PSG7: variants seen among roughly 807,000 people sequenced by gnomAD.
The protein encoded by PSG7 is pregnancy specific beta-1-glycoprotein 7, also known as pregnancy-specific beta-1-glycoprotein 7.
Under a neutral mutation model 45.6 loss-of-function variants are expected in PSG7, and 57 were observed. That is an observed-to-expected ratio of 1.25 (90% confidence interval 1.01 to 1.56). The LOEUF is 1.56. Among genes scored for constraint, PSG7 ranks in the 40% most tolerant of loss-of-function variants. The pLI is 0.00. For missense variants in PSG7, 796 were observed against 508.4 expected (o/e 1.57, Z -5.44); for synonymous variants, 298 against 194.4 (o/e 1.53, Z -4.43).
Position 42,925,855 on chromosome 19 carries a change from C to T in PSG7, c.1161G>A (p.Lys387=). Reference sequence around the variant, plus strand: ...CAGAGCAAGCATAGAGCCCGCTATGCTTTGTAGTAATCTGGGGGATAGAAA... The same window carrying T: ...CAGAGCAAGCATAGAGCCCGCTATGTTTTGTAGTAATCTGGGGGATAGAAA... ...QKLSIPQITT[K]HSGLYACSVR... Residue 387 remains lysine, a synonymous_variant, in exon 5 of 6, where the codon AAG becomes AAA. Transcript: ENST00000406070. 6.2e-7 allele frequency: 1 copy of T among 1,612,072 alleles called. No individual in the cohort carries two copies. The highest frequency in any genetic ancestry group is 2.2e-5 in the East Asian group (1 of 44,798).
intron 1 of PSG7, 47 bp from the exon 2 acceptor site, chr19:42,935,816 G>T (rs1412504168): frequency 6.4e-7 from 1 of 1,554,592 alleles, no homozygotes; most frequent in Non-Finnish European, 8.7e-7. Context: ...CTATGTGTTG[G>T]GTTGAAAAGA....
intron 2 of PSG7, among the ~76,000 whole-genome samples, chr19:42,933,295 A>ATTTT (rs1168854490): frequency 2.5e-4 from 3 of 11,904 alleles, no homozygotes; most frequent in Admixed American, 8.7e-4. Context: ...ATATATATAT[A>ATTTT]TATATATATA....
Position 42,927,935 on chromosome 19 carries a change from T to C in PSG7, c.710-1219A>G, listed in dbSNP as rs550756983. On this transcript the variant is annotated intron_variant, in intron 3 of 5. Transcript: ENST00000406070. ...TTGCATTTCTTTCATTTTTTGATTCTGAAATATTTGTCATATACTTACTGG... is the reference window on the plus strand; with the variant it reads ...TTGCATTTCTTTCATTTTTTGATTCCGAAATATTTGTCATATACTTACTGG... Among the ~76,000 whole-genome samples, 8 of 151,906 alleles carry C rather than the reference T, an allele frequency of 5.3e-5. No individual in the cohort carries two copies. The East Asian group carries it at 9.7e-4, about 18-fold the overall frequency.
At chr19:42,931,492 A>C (rs181259601) in intron 2 of PSG7, among the ~76,000 whole-genome samples, 4 of 151,802 alleles carry the variant, frequency 2.6e-5, no homozygotes, top group African/African-American at 2.4e-5. Flanking sequence ...CTGCCTGCTT[A>C]TAATTTCTGG....
At position 42,925,778 on chromosome 19, in the gene PSG7, A is replaced by C; in HGVS notation, c.1238T>G (p.Val413Gly). The change falls in exon 5 of 6, where the codon GTC becomes GGC. Residue 413 changes from valine (V) to glycine (G), a missense_variant. Transcript: ENST00000406070. ...GGATGCTGGGATCCACTTACCAGAG[A>C]CTCTGACTGTCACGGATTTGGAGCT... ...KESSKSVTVR[V>G]SDWTLP The C allele has an allele frequency of 6.2e-7, 1 of 1,611,888 alleles. No homozygotes were observed. Among genetic ancestry groups the C allele is most frequent in the Non-Finnish European group, 8.5e-7 (1 of 1,178,978 alleles).
chr19:42,934,439 C>T (rs1045072467), intron 2 of PSG7, among the ~76,000 whole-genome samples: 6 of 151,464 alleles, frequency 4.0e-5, no homozygotes, highest in African/African-American at 1.5e-4. Context: ...CCCTGATCTC[C>T]CCTTTGTGTT....
chr19:42,934,718 C>G (rs1197012612), intron 2 of PSG7, among the ~76,000 whole-genome samples: 1 of 151,584 alleles, frequency 6.6e-6, no homozygotes, highest in Non-Finnish European at 1.5e-5. Flanking sequence ...GTTTCTGCTT[C>G]TGGGGATATT....
Position 42,924,425 on chromosome 19 carries a change from T to G in PSG7, c.*383A>C. The G allele has an allele frequency of 2.1e-6, 1 of 480,068 alleles. No homozygotes were observed. Among genetic ancestry groups the G allele is most frequent in the Non-Finnish European group, 3.6e-6 (1 of 276,022 alleles). 29.7% of individuals were successfully genotyped at this position (480,068 alleles called of 1,614,324 possible). ...TGAGATGACATATCTGACACTCTGT[T>G]GTTACCCTCAGAAGCTCCTATACTA... On this transcript the variant is annotated 3_prime_UTR_variant, in exon 6 of 6. Transcript: ENST00000406070.
chr19:42,936,486 G>A (rs1446974376), intron 1 of PSG7: 3 of 155,586 alleles, frequency 1.9e-5, no homozygotes. Flanking sequence ...TTTTCAAAAT[G>A]TGGTGACCCC....
At position 42,935,438 on chromosome 19, in the gene PSG7, T is replaced by A. The variant is rs782609172; in HGVS notation, c.396A>T (p.Gly132=). The part of the protein sequence containing the change: ...LHIIKRGDGT[G]GVTGRFTFTL... ...TGAAGGTGAAACGTCCAGTTACTCC[T>A]CCAGTCCCATCACCTCGCTTTATGA... is the stretch of plus-strand genomic sequence containing the variant. The change falls in exon 2 of 6, where the codon GGA becomes GGT. Residue 132 remains glycine, a synonymous_variant. Transcript: ENST00000406070. 1.2e-6 allele frequency: 2 copies of A among 1,612,124 alleles called. No homozygotes were observed. The highest frequency in any genetic ancestry group is 3.3e-5 in the Admixed American group (2 of 59,886).
At chr19:42,924,908 A>G in intron 5 of PSG7, 84 bp from the exon 6 acceptor site, 1 of 760,244 alleles carries the variant, frequency 1.3e-6, no homozygotes, top group Non-Finnish European at 2.4e-6. Flanking sequence ...TTTCCACATA[A>G]TTTTTCTCTC....
At chr19:42,929,277 G>A in intron 3 of PSG7, 165 bp downstream of exon 3, 4 of 1,480,372 alleles carry the variant, frequency 2.7e-6, no homozygotes, top group Admixed American at 2.0e-5. Flanking sequence ...TGTGGATCAA[G>A]CCTAGGCCTA....
chr19:42,935,566 T>C lies in PSG7; in HGVS notation c.268A>G (p.Lys90Glu). The C allele has an allele frequency of 6.2e-7, 1 of 1,612,034 alleles. No homozygotes were observed. The highest frequency in any genetic ancestry group is 8.5e-7 in the Non-Finnish European group (1 of 1,179,056). The change falls in exon 2 of 6, where the codon AAA (lysine) becomes GAA (glutamate). Residue 90 changes from lysine to glutamate, a missense_variant. Coordinates refer to ENST00000406070, the MANE Select transcript of PSG7 (RefSeq NM_002783.3). ...TSYIVDGQII[K>E]YGPAYSGRET... Reference sequence around the variant, plus strand: ...CGTCCACTGTATGCAGGCCCATATTTAATTATTTGACCGTCTACTATATAT... The same window carrying C: ...CGTCCACTGTATGCAGGCCCATATTCAATTATTTGACCGTCTACTATATAT...
intron 2 of PSG7, among the ~76,000 whole-genome samples, chr19:42,933,490 G>A (rs1275892901): frequency 1.3e-5 from 2 of 148,366 alleles, no homozygotes; most frequent in African/African-American, 2.5e-5. Context: ...GTGACCTGGG[G>A]TCATTGGCTC....
In PSG7 at chr19:42,926,540, T is replaced by A. The variant is rs1355353651; in HGVS notation, c.886A>T (p.Ile296Phe). ...TCATTTCTCGTGACACTGGGTAGAA[T>A]GAGGATCCTGTTTTCAATGCGTCGC... ...VKRRIENRIL[I>F]LPSVTRNETG... Residue 296 changes from isoleucine to phenylalanine, a missense_variant, in exon 4 of 6, where the codon ATT (isoleucine) becomes TTT (phenylalanine). Ile to Phe is a conservative substitution (Grantham distance 21, BLOSUM62 0). Transcript: ENST00000406070. 1 of 1,610,498 alleles carries A rather than the reference T, an allele frequency of 6.2e-7. No individual in the cohort carries two copies. The highest frequency in any genetic ancestry group is 8.5e-7 in the Non-Finnish European group (1 of 1,179,010).
chr19:42,929,191 G>A, intron 3 of PSG7: 1 of 859,190 alleles, frequency 1.2e-6, no homozygotes, highest in South Asian at 2.1e-5. Context: ...TGGAGCCTGA[G>A]ACATTCACCT....
chr19:42,929,648 G>T lies in PSG7; in HGVS notation c.503C>A (p.Thr168Asn). The change falls in exon 3 of 6, where the codon ACC (threonine) becomes AAC (asparagine). Residue 168 changes from threonine to asparagine, a missense_variant. Physicochemically the swap from Thr to Asn is moderately conservative, Grantham distance 65. Transcript: ENST00000406070. The part of the protein sequence containing the change: ...PREATEAVIL[T>N]CDPETPDASY... ...TGCATCTGGAGTCTCAGGATCACAG[G>T]TTAAAATCACAGCCTCCGTGGCCTC... 6.2e-7 allele frequency: 1 copy of T among 1,612,518 alleles called. No homozygotes were observed. The highest frequency in any genetic ancestry group is 8.5e-7 in the Non-Finnish European group (1 of 1,179,222).
At chr19:42,932,235 G>C (rs1450557332) in intron 2 of PSG7, among the ~76,000 whole-genome samples, 3 of 151,388 alleles carry the variant, frequency 2.0e-5, no homozygotes, top group Non-Finnish European at 2.9e-5. Context: ...ATGTTAGCCA[G>C]GATGGTCTGT....
chr19:42,935,700 A>T lies in PSG7; in HGVS notation c.134T>A (p.Val45Asp), dbSNP rs782279863. 1 of 1,611,870 alleles carries T rather than the reference A, an allele frequency of 6.2e-7. No homozygotes were observed. Among genetic ancestry groups the T allele is most frequent in the Non-Finnish European group, 8.5e-7 (1 of 1,179,056 alleles). ...QVTIEAQPPKVSEGKDVLLLV... is the reference protein window; with the variant it reads ...QVTIEAQPPKDSEGKDVLLLV... ...TAGAAGAACATCCTTCCCCTCGGAAACTTTTGGTGGCTGGGCTTCAATCGT... is the reference window on the plus strand; with the variant it reads ...TAGAAGAACATCCTTCCCCTCGGAATCTTTTGGTGGCTGGGCTTCAATCGT... Residue 45 changes from valine (V) to aspartate (D), a missense_variant, in exon 2 of 6, where the codon GTT becomes GAT. Physicochemically the swap from Val to Asp is radical, Grantham distance 152 (BLOSUM62 -3). Coordinates refer to ENST00000406070, the MANE Select transcript of PSG7 (RefSeq NM_002783.3).
Sources: gnomAD v4.1 joint callset for allele counts (sites outside exome capture counted in the v4.1 genomes callset) on GRCh38, gnomAD v4.1.1 for gene constraint, MANE v1.5 for transcripts, NCBI Gene and HGNC (gene_info 2026-07-23, HGNC 2026-07-21) for gene names.